The following SORCS3 variants were observed in gnomAD, a reference collection of about 807,000 sequenced individuals.
SORCS3 encodes sortilin related VPS10 domain containing receptor 3.
SORCS3 carries 57 observed loss-of-function variants against 146.3 expected under a neutral mutation model. That is an observed-to-expected ratio of 0.39 (90% CI 0.31 to 0.49). SORCS3 has a LOEUF of 0.49. Among genes scored for constraint, SORCS3 ranks in the 20% least tolerant of loss-of-function variants. The pLI is 0.92. For synonymous variants in SORCS3, 653 were observed against 618.5 expected (o/e 1.06, Z -0.83); for missense variants, 1,341 against 1,575.5 (o/e 0.85, Z 2.52).
intron 1 of SORCS3, among the ~76,000 whole-genome samples, chr10:104,812,172 C>T (rs2017748679): frequency 6.6e-6 from 1 of 152,170 alleles, no homozygotes; most frequent in South Asian, 2.1e-4. Flanking sequence ...CCTAGAATGT[C>T]AGAGTAAGGA....
chr10:104,956,506 TG>T, intron 3 of SORCS3, among the ~76,000 whole-genome samples: 1 of 152,342 alleles, frequency 6.6e-6, no homozygotes, highest in South Asian at 2.1e-4. Context: ...CCCCAACATT[TG>T]TTGAACGTAT....
chr10:104,759,646 A>G (rs772944802), intron 1 of SORCS3, among the ~76,000 whole-genome samples: 1 of 152,204 alleles, frequency 6.6e-6, no homozygotes, highest in Non-Finnish European at 1.5e-5. Context: ...TCACTGTTTC[A>G]GATCCGGCTC....
chr10:104,841,294 G>T (rs2018136916), intron 1 of SORCS3, among the ~76,000 whole-genome samples: 1 of 152,192 alleles, frequency 6.6e-6, no homozygotes, highest in African/African-American at 2.4e-5. Context: ...AAGACAGGTA[G>T]CTTGGTAGAG....
At chr10:105,106,637 CA>C (rs2055823749) in intron 7 of SORCS3, among the ~76,000 whole-genome samples, 1 of 152,142 alleles carries the variant, frequency 6.6e-6, no homozygotes, top group African/African-American at 2.4e-5. Flanking sequence ...GTAGGCATCG[CA>C]GTTACTTCTA....
chr10:104,910,023 G>A (rs987986743), intron 2 of SORCS3, among the ~76,000 whole-genome samples: 10 of 152,096 alleles, frequency 6.6e-5, no homozygotes, highest in African/African-American at 1.7e-4. Flanking sequence ...TAAGTCCTTC[G>A]GAATGCCTCT....
At chr10:104,900,787 G>A (rs749621794) in intron 2 of SORCS3, among the ~76,000 whole-genome samples, 4 of 151,322 alleles carry the variant, frequency 2.6e-5, no homozygotes, top group African/African-American at 7.3e-5. Flanking sequence ...CCAGCTACTC[G>A]GGAGGCTGAG....
chr10:105,251,948 G>C (rs1057434534), intron 22 of SORCS3, among the ~76,000 whole-genome samples: 8 of 152,182 alleles, frequency 5.3e-5, no homozygotes, highest in African/African-American at 1.9e-4. Flanking sequence ...AGATTGGAAT[G>C]CAGCTATCAT....
intron 14 of SORCS3, among the ~76,000 whole-genome samples, chr10:105,191,354 G>A (rs950824827): frequency 5.9e-5 from 9 of 152,082 alleles, no homozygotes; most frequent in African/African-American, 1.2e-4. Flanking sequence ...TAGAAAGGTA[G>A]TATTTGAATT....
chr10:105,037,463 T>C (rs1212399836), intron 4 of SORCS3, among the ~76,000 whole-genome samples: 2 of 152,190 alleles, frequency 1.3e-5, no homozygotes, highest in African/African-American at 4.8e-5. Flanking sequence ...CTGTGAAGCA[T>C]TTAGGGGAAA....
At chr10:104,977,616 A>G (rs1312102413) in intron 4 of SORCS3, 123 bp downstream of exon 4, 55 of 881,620 alleles carry the variant, frequency 6.2e-5, no homozygotes, top group Non-Finnish European at 8.6e-5. Context: ...AACCCAAATC[A>G]TTTCATCATT....
At chr10:104,684,261 TGC>T (rs1257695108) in intron 1 of SORCS3, among the ~76,000 whole-genome samples, 1 of 152,134 alleles carries the variant, frequency 6.6e-6, no homozygotes, top group East Asian at 1.9e-4. Context: ...TTAAAGGAGG[TGC>T]CATTCATAAA....
intron 1 of SORCS3, among the ~76,000 whole-genome samples, chr10:104,663,612 C>A (rs1269707693): frequency 6.6e-6 from 1 of 152,134 alleles, no homozygotes; most frequent in Non-Finnish European, 1.5e-5. Flanking sequence ...GGATGGGAGA[C>A]ATTTTCACTA....
At chr10:104,666,373 G>T (rs190893996) in intron 1 of SORCS3, among the ~76,000 whole-genome samples, 151 of 152,260 alleles carry the variant, frequency 9.9e-4, no homozygotes, top group Non-Finnish European at 1.6e-3. Flanking sequence ...GAAGAGGAAA[G>T]GGGAGAGGAT....
intron 1 of SORCS3, among the ~76,000 whole-genome samples, chr10:104,834,151 A>G (rs1475695572): frequency 6.6e-6 from 1 of 152,124 alleles, no homozygotes; most frequent in Non-Finnish European, 1.5e-5. Context: ...TTTCCCCTGG[A>G]TGATTACAGT....
chr10:104,685,171 A>C (rs1013724257), intron 1 of SORCS3, among the ~76,000 whole-genome samples: 2 of 152,208 alleles, frequency 1.3e-5, no homozygotes, highest in African/African-American at 4.8e-5. Context: ...ATAGACAAAT[A>C]AATAGATAGC....
intron 3 of SORCS3, among the ~76,000 whole-genome samples, chr10:104,926,126 G>C (rs1000859138): frequency 1.3e-5 from 2 of 152,166 alleles, no homozygotes; most frequent in African/African-American, 4.8e-5. Flanking sequence ...CTGCTTTCAG[G>C]CTTCCTTGGA....
chr10:104,861,604 C>T (rs2018403960), intron 2 of SORCS3, among the ~76,000 whole-genome samples: 1 of 152,214 alleles, frequency 6.6e-6, no homozygotes. Context: ...TCCCCCGAGC[C>T]TACTTCTTTG....
intron 20 of SORCS3, among the ~76,000 whole-genome samples, chr10:105,242,829 A>T (rs1166664824): frequency 1.7e-5 from 1 of 60,458 alleles, no homozygotes; most frequent in Admixed American, 2.5e-4. Context: ...TTATATATAA[A>T]TTATATATAT....
intron 1 of SORCS3, among the ~76,000 whole-genome samples, chr10:104,727,838 G>A (rs1359621390): frequency 1.3e-5 from 2 of 152,094 alleles, no homozygotes; most frequent in Non-Finnish European, 2.9e-5. Flanking sequence ...TGTGAACTGT[G>A]CAGGCAAGGG....
Sources: gnomAD v4.1 joint callset for allele counts (sites outside exome capture counted in the v4.1 genomes callset) on GRCh38, gnomAD v4.1.1 for gene constraint, MANE v1.5 for transcripts, NCBI Gene and HGNC (gene_info 2026-07-23, HGNC 2026-07-21) for gene names.